Variants in COL24A1 observed in about 807,000 individuals in gnomAD.
The protein encoded by COL24A1 is collagen type XXIV alpha 1 chain, also known as collagen alpha-1(XXIV) chain.
Under a neutral mutation model 253.9 loss-of-function variants are expected in COL24A1, and 224 were observed. The ratio of observed to expected loss-of-function variants is 0.88; its 90% CI spans 0.79 to 0.99. The LOEUF is 0.99. Ranked by LOEUF, COL24A1 falls within the 50% of genes least tolerant of loss-of-function variation. The probability of loss-of-function intolerance (pLI) is 0.00; values close to 1 mark genes in which losing one functional copy is unlikely to be tolerated. For missense variants in COL24A1, 2,131 were observed against 2,068.5 expected (o/e 1.03, Z -0.59); for synonymous variants, 685 against 673.7 (o/e 1.02, Z -0.26).
intron 47 of COL24A1, among the ~76,000 whole-genome samples, chr1:85,792,004 T>A (rs891675217): frequency 6.6e-6 from 1 of 152,150 alleles, no homozygotes; most frequent in Non-Finnish European, 1.5e-5. Context: ...TCATTACTAG[T>A]CTTGCATTAC....
At chr1:85,986,147 A>G (rs967934755) in intron 20 of COL24A1, among the ~76,000 whole-genome samples, 1 of 151,804 alleles carries the variant, frequency 6.6e-6, no homozygotes, top group Non-Finnish European at 1.5e-5. Flanking sequence ...GATTATTATT[A>G]AGGTTTTCCT....
chr1:86,068,567 C>G (rs543765863), intron 7 of COL24A1, among the ~76,000 whole-genome samples: 1 of 152,128 alleles, frequency 6.6e-6, no homozygotes, highest in Non-Finnish European at 1.5e-5. Flanking sequence ...AAATCCTAGG[C>G]TATTCCTAGT....
chr1:86,103,651 G>A (rs987705660), intron 5 of COL24A1, among the ~76,000 whole-genome samples: 4 of 152,120 alleles, frequency 2.6e-5, no homozygotes, highest in Non-Finnish European at 5.9e-5. Context: ...GCTTAGTTTG[G>A]CTGGATACAA....
chr1:86,029,214 T>C (rs1698321965), intron 14 of COL24A1, among the ~76,000 whole-genome samples: 1 of 151,650 alleles, frequency 6.6e-6, no homozygotes, highest in African/African-American at 2.4e-5. Flanking sequence ...AGGTAGATAA[T>C]ATACACATAA....
chr1:86,082,804 T>C (rs1309870731), intron 7 of COL24A1, among the ~76,000 whole-genome samples: 1 of 150,954 alleles, frequency 6.6e-6, no homozygotes, highest in Non-Finnish European at 1.5e-5. Context: ...GGGACCAGAG[T>C]GTTTTGGATT....
Position 85,830,886 on chromosome 1 carries a change from C to T in COL24A1, c.3682-7148G>A, listed in dbSNP as rs149706174. Among the ~76,000 whole-genome samples, 1,146 of 152,244 alleles carry T rather than the reference C, an allele frequency of 7.5e-3. 16 individuals are homozygous for T. The highest frequency in any genetic ancestry group is 0.025 in the African/African-American group (1,059 of 41,576). ...AAATGCAGAAATCACCTGTCTTCTG[C>T]GTTGCTCACGCTGGGAGCTGTAGAC... On this transcript the variant is annotated intron_variant, in intron 43 of 59. Transcript: ENST00000370571.
chr1:86,097,449 CCCCTCCTCTTCCT>C (rs1557606435), intron 5 of COL24A1, among the ~76,000 whole-genome samples: 2 of 98,246 alleles, frequency 2.0e-5, no homozygotes, highest in African/African-American at 4.0e-5. Flanking sequence ...CTCCTCCTCC[CCCCTCCTCTTCCT>C]CCCTCCTCCT....
chr1:85,870,342 C>A (rs186817791), intron 35 of COL24A1, among the ~76,000 whole-genome samples: 5 of 152,314 alleles, frequency 3.3e-5, no homozygotes, highest in Admixed American at 2.6e-4. Context: ...CTGCACCAAG[C>A]AGACCTAATA....
At chr1:85,740,696 T>C (rs1049793896) in intron 57 of COL24A1, among the ~76,000 whole-genome samples, 1 of 151,678 alleles carries the variant, frequency 6.6e-6, no homozygotes, top group Non-Finnish European at 1.5e-5. Context: ...CCGAAAAAAA[T>C]GTTGGCCTGA....
chr1:85,829,319 T>A (rs1052697563), intron 43 of COL24A1, among the ~76,000 whole-genome samples: 3 of 151,424 alleles, frequency 2.0e-5, no homozygotes, highest in East Asian at 3.9e-4. Context: ...CTTTCCTTTG[T>A]GGGTAACCCG....
intron 48 of COL24A1, among the ~76,000 whole-genome samples, chr1:85,785,457 G>A (rs1047838497): frequency 1.3e-5 from 2 of 152,154 alleles, no homozygotes; most frequent in Non-Finnish European, 2.9e-5. Flanking sequence ...ATCTCTCACT[G>A]TCTTGAGACA....
chr1:85,938,442 C>T (rs1688428535), intron 24 of COL24A1, among the ~76,000 whole-genome samples: 1 of 146,564 alleles, frequency 6.8e-6, no homozygotes, highest in South Asian at 2.5e-4. Flanking sequence ...AAATAAGTCA[C>T]CATCTTGGCA....
At chr1:86,032,957 A>G (rs1168761413) in intron 13 of COL24A1, among the ~76,000 whole-genome samples, 9 of 152,136 alleles carry the variant, frequency 5.9e-5, no homozygotes, top group Admixed American at 5.2e-4. Context: ...CTACTTTATT[A>G]TGCTTGAAAT....
intron 5 of COL24A1, 40 bp from the exon 6 acceptor site, chr1:86,092,360 T>G (rs1048820977): frequency 7.0e-7 from 1 of 1,426,626 alleles, no homozygotes; most frequent in Admixed American, 1.7e-5. Context: ...GAAGCATAAG[T>G]TGCATATAAT....
At chr1:85,911,456 G>A (rs774706601) in intron 24 of COL24A1, 23 bp from the exon 25 acceptor site, 4 of 1,588,654 alleles carry the variant, frequency 2.5e-6, no homozygotes, top group Admixed American at 3.4e-5. Flanking sequence ...AAAAATAACA[G>A]AAAATACACA....
intron 27 of COL24A1, 106 bp from the exon 28 acceptor site, chr1:85,907,353 A>G: frequency 1.1e-6 from 1 of 877,270 alleles, no homozygotes; most frequent in Non-Finnish European, 1.8e-6. Context: ...GGACATTTTT[A>G]CAATTGATTA....
At chr1:86,114,230 CTCTT>C (rs1705905337) in intron 4 of COL24A1, among the ~76,000 whole-genome samples, 1 of 152,118 alleles carries the variant, frequency 6.6e-6, no homozygotes, top group Non-Finnish European at 1.5e-5. Flanking sequence ...GAGCAAAACA[CTCTT>C]TCTTCCTTAA....
At chr1:86,093,285 T>G (rs1327746702) in intron 5 of COL24A1, among the ~76,000 whole-genome samples, 1 of 152,046 alleles carries the variant, frequency 6.6e-6, no homozygotes, top group African/African-American at 2.4e-5. Context: ...CTGTATTCTA[T>G]AGTCAAAGAA....
chr1:86,155,814 G>A (rs1653510173), intron 1 of COL24A1: 1 of 153,500 alleles, frequency 6.5e-6, no homozygotes, highest in Non-Finnish European at 1.4e-5. Context: ...AGGTTCTGCA[G>A]CCACCCCCTT....
Sources: allele counts gnomAD v4.1 joint callset (sites outside exome capture counted in the v4.1 genomes callset), GRCh38; gene constraint gnomAD v4.1.1; transcripts MANE v1.5; gene names NCBI Gene and HGNC (gene_info 2026-07-23, HGNC 2026-07-21).